The following DCUN1D3 variants were observed in gnomAD, a reference collection of about 807,000 sequenced individuals.
DCUN1D3 encodes defective in cullin neddylation 1 domain containing 3, also known as DCN1-like protein 3.
In DCUN1D3, 6 loss-of-function variants were observed where a neutral mutation model predicts 24.8. The ratio of observed to expected loss-of-function variants is 0.24; its 90% CI spans 0.13 to 0.48. DCUN1D3 has a LOEUF of 0.48. DCUN1D3 is among the 20% of genes least tolerant of loss of function. The pLI is 0.99. For missense variants in DCUN1D3, 258 were observed against 379.4 expected (o/e 0.68, Z 2.66); for synonymous variants, 120 against 144.9 (o/e 0.83, Z 1.24).
intron 1 of DCUN1D3, 141 bp from the exon 2 acceptor site, chr16:20,862,784 C>T (rs1482825980): frequency 1.7e-5 from 13 of 746,992 alleles, no homozygotes; most frequent in Non-Finnish European, 2.6e-5. Context: ...TTCATCATCC[C>T]CTTCACAGGC....
chr16:20,856,926 A>G lies in DCUN1D3; in HGVS notation c.*2960T>C, dbSNP rs2081705321. 1 of 152,066 alleles carries G rather than the reference A, an allele frequency of 6.6e-6. No homozygotes were observed. Among genetic ancestry groups the G allele is most frequent in the Non-Finnish European group, 1.5e-5 (1 of 68,022 alleles). The allele number at this position is 152,066 out of a possible 1,614,324, so 9.4% of individuals were successfully genotyped here. ...TGGCGTCCACATCCTGCCCCTCTCC[A>G]CATCACCCTGATGTTCTGTTGCTAA... On this transcript the variant is annotated 3_prime_UTR_variant, in exon 3 of 3. Coordinates refer to ENST00000324344, the MANE Select transcript of DCUN1D3 (RefSeq NM_173475.4).
intron 1 of DCUN1D3, among the ~76,000 whole-genome samples, chr16:20,893,743 T>C (rs2081902895): frequency 6.6e-6 from 1 of 152,154 alleles, no homozygotes; most frequent in African/African-American, 2.4e-5. Context: ...TATGCTAAGA[T>C]TCTGCAAGGG....
At chr16:20,873,700 A>T (rs1201780155) in intron 1 of DCUN1D3, among the ~76,000 whole-genome samples, 1 of 152,182 alleles carries the variant, frequency 6.6e-6, no homozygotes, top group Non-Finnish European at 1.5e-5. Flanking sequence ...AGCCCCACCA[A>T]GGCCTCACAT....
intron 1 of DCUN1D3, among the ~76,000 whole-genome samples, chr16:20,898,198 G>A (rs1203717082): frequency 2.6e-5 from 4 of 152,178 alleles, no homozygotes; most frequent in Non-Finnish European, 4.4e-5. Context: ...TTCTTTGGAT[G>A]GCTGGCTCCT....
intron 1 of DCUN1D3, among the ~76,000 whole-genome samples, chr16:20,863,747 G>GA (rs1157949464): frequency 6.6e-5 from 10 of 151,868 alleles, no homozygotes; most frequent in African/African-American, 2.4e-4. Context: ...TAAAAAAATT[G>GA]AAAAAATCAC....
chr16:20,874,133 T>G (rs1185102550), intron 1 of DCUN1D3, among the ~76,000 whole-genome samples: 1 of 152,204 alleles, frequency 6.6e-6, no homozygotes, highest in East Asian at 1.9e-4. Flanking sequence ...CTCAGATCTC[T>G]TCTATTCAGA....
At chr16:20,885,083 C>T (rs1048741041) in intron 1 of DCUN1D3, among the ~76,000 whole-genome samples, 2 of 150,350 alleles carry the variant, frequency 1.3e-5, no homozygotes, top group Non-Finnish European at 2.9e-5. Context: ...TCAAGCAATT[C>T]TCCTGCCTCA....
intron 1 of DCUN1D3, among the ~76,000 whole-genome samples, chr16:20,885,125 G>C (rs1291597203): frequency 6.6e-6 from 1 of 151,768 alleles, no homozygotes; most frequent in African/African-American, 2.4e-5. Context: ...ACGGGCACCC[G>C]CCACCATACT....
At chr16:20,877,012 C>T (rs1456325784) in intron 1 of DCUN1D3, among the ~76,000 whole-genome samples, 2 of 151,952 alleles carry the variant, frequency 1.3e-5, no homozygotes, top group Non-Finnish European at 2.9e-5. Flanking sequence ...GAAGTAAGAC[C>T]TAGCGTTGGA....
chr16:20,895,332 A>G (rs1264025816), intron 1 of DCUN1D3, among the ~76,000 whole-genome samples: 2 of 152,114 alleles, frequency 1.3e-5, no homozygotes, highest in East Asian at 3.9e-4. Context: ...CTGGCCTCCA[A>G]GCAATCCTCC....
chr16:20,859,762 C>A lies in DCUN1D3; in HGVS notation c.*124G>T. The A allele has an allele frequency of 7.7e-7, 1 of 1,303,102 alleles. No individual in the cohort carries two copies. The highest frequency in any genetic ancestry group is 1.7e-5 in the South Asian group (1 of 57,422). 80.7% of individuals were successfully genotyped at this position (1,303,102 alleles called of 1,614,324 possible). A position where few individuals can be genotyped will look rare whatever the true frequency, so the allele number is the denominator to read the frequency against. On this transcript the variant is annotated 3_prime_UTR_variant, in exon 3 of 3. Coordinates refer to ENST00000324344, the MANE Select transcript of DCUN1D3 (RefSeq NM_173475.4). Reference sequence around the variant, plus strand: ...CAGCATTTTAGAGCCCTTTCAGATACAAGGCAGAGAAAGGTGTAAAGTAGA... The same window carrying A: ...CAGCATTTTAGAGCCCTTTCAGATAAAAGGCAGAGAAAGGTGTAAAGTAGA...
rs1490214269 is a variant in DCUN1D3, at chr16:20,856,904, C to T, written c.*2982G>A. On this transcript the variant is annotated 3_prime_UTR_variant, in exon 3 of 3. Coordinates refer to ENST00000324344, the MANE Select transcript of DCUN1D3 (RefSeq NM_173475.4). ...CAGATGTTGCCGATTTCCAAAGTGG[C>T]GTCCACATCCTGCCCCTCTCCACAT... 6.6e-6 allele frequency: 1 copy of T among 152,178 alleles called. No individual in the cohort carries two copies. The highest frequency in any genetic ancestry group is 1.5e-5 in the Non-Finnish European group (1 of 68,032). The allele number at this position is 152,178 out of a possible 1,614,324, so 9.4% of individuals were successfully genotyped here.
In DCUN1D3 at chr16:20,894,097, T is replaced by C. The variant is rs375108450; in HGVS notation, c.-106+6107A>G. Among the ~76,000 whole-genome samples the C allele has an allele frequency of 1.7e-4, 26 of 152,048 alleles. No individual in the cohort carries two copies. The East Asian group carries it at 4.1e-3, about 24-fold the overall frequency. On this transcript the variant is annotated intron_variant, in intron 1 of 2. Transcript: ENST00000324344. ...GCCTGGGCAACACAGCGAAACCCCATCTCTATTAAAAATACAATAAATTAG... is the reference window on the plus strand; with the variant it reads ...GCCTGGGCAACACAGCGAAACCCCACCTCTATTAAAAATACAATAAATTAG...
At chr16:20,875,330 G>A (rs1248559066) in intron 1 of DCUN1D3, among the ~76,000 whole-genome samples, 1 of 151,882 alleles carries the variant, frequency 6.6e-6, no homozygotes, top group Non-Finnish European at 1.5e-5. Flanking sequence ...TGTCTTGACT[G>A]TTCTGCAACC....
At chr16:20,888,599 C>T (rs757378937) in intron 1 of DCUN1D3, among the ~76,000 whole-genome samples, 16 of 152,148 alleles carry the variant, frequency 1.1e-4, no homozygotes, top group East Asian at 3.9e-4. Flanking sequence ...GGACCACAGG[C>T]GGGCACCACC....
In DCUN1D3 at chr16:20,859,875, G is replaced by A; in HGVS notation, c.*11C>T. The A allele has an allele frequency of 6.3e-7, 1 of 1,592,900 alleles. No homozygotes were observed. On this transcript the variant is annotated 3_prime_UTR_variant, in exon 3 of 3. Transcript: ENST00000324344. Reference sequence around the variant, plus strand: ...TGGCAGATCCTTGCTGCTGCTCCTGGGACAGAGCCACTAAGTCTGCTCCTC... The same window carrying A: ...TGGCAGATCCTTGCTGCTGCTCCTGAGACAGAGCCACTAAGTCTGCTCCTC...
intron 1 of DCUN1D3, among the ~76,000 whole-genome samples, chr16:20,896,670 C>T (rs114122489): frequency 0.012 from 1,844 of 152,220 alleles, 52 homozygotes; most frequent in African/African-American, 0.042. Context: ...AAGTGGAGAG[C>T]TTAATAACCC....
At chr16:20,886,577 T>C (rs1318431476) in intron 1 of DCUN1D3, among the ~76,000 whole-genome samples, 1 of 152,212 alleles carries the variant, frequency 6.6e-6, no homozygotes, top group Non-Finnish European at 1.5e-5. Flanking sequence ...AACATCCAAC[T>C]TCCCAAACTC....
chr16:20,867,983 C>T (rs887378103), intron 1 of DCUN1D3, among the ~76,000 whole-genome samples: 14 of 152,238 alleles, frequency 9.2e-5, no homozygotes, highest in African/African-American at 2.7e-4. Flanking sequence ...CTGTGCCCAA[C>T]GGACAATGAA....
Sources: gnomAD v4.1 joint callset for allele counts (sites outside exome capture counted in the v4.1 genomes callset) on GRCh38, gnomAD v4.1.1 for gene constraint, MANE v1.5 for transcripts, NCBI Gene and HGNC (gene_info 2026-07-23, HGNC 2026-07-21) for gene names.